The following PATJ variants were observed in gnomAD, a reference collection of about 807,000 sequenced individuals.
The protein encoded by PATJ is PATJ crumbs cell polarity complex component.
Under a neutral mutation model 224.9 loss-of-function variants are expected in PATJ, and 190 were observed. The ratio of observed to expected loss-of-function variants is 0.84; its 90% CI spans 0.75 to 0.95. The LOEUF (loss-of-function observed/expected upper bound fraction) is 0.95. Among genes scored for constraint, PATJ ranks in the 40% least tolerant of loss-of-function variants. The pLI is 0.00. For synonymous variants in PATJ, 769 were observed against 820.3 expected, an observed-to-expected ratio of 0.94 and a Z score of 1.07; for missense variants, 2,121 against 2,270.3, an observed-to-expected ratio of 0.93 and a Z score of 1.34.
intron 11 of PATJ, among the ~76,000 whole-genome samples, chr1:61,798,390 G>A (rs1236801790): frequency 1.3e-5 from 2 of 151,748 alleles, no homozygotes; most frequent in Non-Finnish European, 2.9e-5. Context: ...TAGAGATGGG[G>A]TCTCTCCTGT....
intron 24 of PATJ, among the ~76,000 whole-genome samples, chr1:61,903,069 G>T (rs1249510750): frequency 5.3e-5 from 8 of 152,168 alleles, no homozygotes; most frequent in Non-Finnish European, 1.2e-4. Context: ...GCCACATCAC[G>T]TAGATCCTGA....
intron 27 of PATJ, among the ~76,000 whole-genome samples, chr1:61,938,795 C>T (rs182047122): frequency 1.3e-5 from 2 of 151,552 alleles, no homozygotes; most frequent in African/African-American, 4.9e-5. Context: ...GAATTTAGAG[C>T]ATAAAAAAAT....
chr1:61,900,114 T>G (rs1670917989), intron 23 of PATJ, among the ~76,000 whole-genome samples: 1 of 152,194 alleles, frequency 6.6e-6, no homozygotes, highest in African/African-American at 2.4e-5. Flanking sequence ...GGGGGAAGTT[T>G]TAAGTACTCA....
At chr1:62,110,934 G>A (rs1663725965) in intron 34 of PATJ, among the ~76,000 whole-genome samples, 1 of 152,226 alleles carries the variant, frequency 6.6e-6, no homozygotes, top group East Asian at 1.9e-4. Flanking sequence ...GCTTCTGTAA[G>A]GCACTTACAT....
intron 27 of PATJ, among the ~76,000 whole-genome samples, chr1:61,977,369 C>T (rs1644196258): frequency 6.6e-6 from 1 of 151,988 alleles, no homozygotes; most frequent in South Asian, 2.1e-4. Context: ...GGATTACAGG[C>T]GTGAGCCACT....
intron 28 of PATJ, among the ~76,000 whole-genome samples, chr1:61,998,228 A>C (rs7521526): frequency 0.28 from 42,000 of 150,410 alleles, 6,287 homozygotes; most frequent in East Asian, 0.47. Context: ...TATAGGCATG[A>C]GCCATCAGGC....
Position 62,001,577 on chromosome 1 carries a change from G to C in PATJ, c.3867+11213G>C, listed in dbSNP as rs1300634708. ...TCTGTTTCGGTACCAGTACCATGCT[G>C]TTACTGTAGCCTTGTAGTATAGTTT... On this transcript the variant is annotated intron_variant, in intron 28 of 43. Transcript: ENST00000642238. Among the ~76,000 whole-genome samples, 7 of 151,458 alleles carry C rather than the reference G, an allele frequency of 4.6e-5. No homozygotes were observed. The East Asian group carries it at 1.3e-3, about 29-fold the overall frequency.
At chr1:62,130,915 G>A (rs185886249) in intron 41 of PATJ, among the ~76,000 whole-genome samples, 6 of 152,158 alleles carry the variant, frequency 3.9e-5, no homozygotes, top group African/African-American at 1.4e-4. Context: ...CATCTCTGTG[G>A]TGTAAGTCCA....
chr1:62,147,860 G>C (rs1668209152), intron 41 of PATJ, among the ~76,000 whole-genome samples: 1 of 151,760 alleles, frequency 6.6e-6, no homozygotes, highest in Non-Finnish European at 1.5e-5. Context: ...TTACTCAGGA[G>C]GCTCAGGCAG....
chr1:61,964,264 T>A (rs974311120), intron 27 of PATJ, among the ~76,000 whole-genome samples: 8 of 151,894 alleles, frequency 5.3e-5, no homozygotes, highest in Non-Finnish European at 1.2e-4. Context: ...GTATTTTTAG[T>A]AGAGACAGGG....
chr1:62,108,870 A>G (rs1040594660), intron 34 of PATJ, among the ~76,000 whole-genome samples: 1 of 152,158 alleles, frequency 6.6e-6, no homozygotes, highest in African/African-American at 2.4e-5. Flanking sequence ...AGATACATAC[A>G]CATACACATA....
chr1:62,126,823 C>G (rs1260338928), intron 39 of PATJ, among the ~76,000 whole-genome samples: 1 of 151,284 alleles, frequency 6.6e-6, no homozygotes, highest in Non-Finnish European at 1.5e-5. Context: ...AACTAAGGAG[C>G]TGCATAGGGT....
Position 61,797,647 on chromosome 1 carries a change from G to A in PATJ, c.1402+219G>A, listed in dbSNP as rs187821269. 1.1e-4 allele frequency among the ~76,000 whole-genome samples: 17 copies of A among 152,312 alleles called. 1 individual carries two copies. The highest frequency in any genetic ancestry group is 5.2e-4 in the Admixed American group (8 of 15,298). On this transcript the variant is annotated intron_variant, in intron 11 of 43. Transcript: ENST00000642238. ...AGGATGTGCACCCGACATGCACTAA[G>A]CTCTGAGAGCATCTCTAAATGGAGT...
At chr1:61,810,974 A>G (rs559375342) in intron 14 of PATJ, among the ~76,000 whole-genome samples, 63 of 152,260 alleles carry the variant, frequency 4.1e-4, no homozygotes, top group African/African-American at 1.5e-3. Context: ...ACTGCATTAT[A>G]GTGTACTGAT....
intron 37 of PATJ, among the ~76,000 whole-genome samples, chr1:62,118,302 A>G (rs1664677561): frequency 6.6e-6 from 1 of 151,958 alleles, no homozygotes; most frequent in Non-Finnish European, 1.5e-5. Flanking sequence ...GACCAGACTT[A>G]TATCAACAAA....
intron 30 of PATJ, among the ~76,000 whole-genome samples, chr1:62,047,451 G>T (rs1284929823): frequency 6.6e-6 from 1 of 152,096 alleles, no homozygotes; most frequent in Non-Finnish European, 1.5e-5. Flanking sequence ...TAGAGACAGG[G>T]TTTCACCATC....
intron 29 of PATJ, among the ~76,000 whole-genome samples, chr1:62,036,890 A>G (rs1332992113): frequency 1.3e-5 from 2 of 150,156 alleles, no homozygotes; most frequent in Non-Finnish European, 3.0e-5. Context: ...AAGAAGGAAG[A>G]AAGGAAGGAA....
chr1:61,973,132 G>C (rs1322308039), intron 27 of PATJ, among the ~76,000 whole-genome samples: 1 of 151,964 alleles, frequency 6.6e-6, no homozygotes, highest in Non-Finnish European at 1.5e-5. Context: ...TTGCAAGCTT[G>C]TGTTTCTGTA....
At chr1:62,100,204 G>A in intron 33 of PATJ, 1 of 551,648 alleles carries the variant, frequency 1.8e-6, no homozygotes, top group South Asian at 2.8e-5. Context: ...TTTTGGTTGT[G>A]TGTCACTATT....
Sources: gnomAD v4.1 joint callset for allele counts (sites outside exome capture counted in the v4.1 genomes callset) on GRCh38, gnomAD v4.1.1 for gene constraint, MANE v1.5 for transcripts, NCBI Gene and HGNC (gene_info 2026-07-23, HGNC 2026-07-21) for gene names.